Variants in ANLN observed in about 807,000 individuals in gnomAD.
ANLN encodes anillin.
In ANLN, 59 loss-of-function variants were observed where a neutral mutation model predicts 135.1. That is an observed-to-expected ratio of 0.44 (90% CI 0.35 to 0.54). The LOEUF is 0.54. Ranked by LOEUF, ANLN falls within the 20% of genes least tolerant of loss-of-function variation. The pLI is 0.00. For missense variants in ANLN, 1,182 were observed against 1,340.0 expected (o/e 0.88, Z 1.84); for synonymous variants, 406 against 456.4 (o/e 0.89, Z 1.41).
At chr7:36,443,127 T>TA (rs1033907600) in intron 21 of ANLN, among the ~76,000 whole-genome samples, 3 of 152,196 alleles carry the variant, frequency 2.0e-5, no homozygotes, top group Non-Finnish European at 4.4e-5. Flanking sequence ...TATCCAGCAC[T>TA]ACTGCCTTGC....
Position 36,418,364 on chromosome 7 carries a change from C to T in ANLN, c.1634-880C>T, listed in dbSNP as rs116425172. The stretch of plus-strand genomic sequence containing the variant: ...AGAAGATTAGAGTCCTGCCGTGGGG[C>T]AGGTGAAAGGATGGCAGGAGAGTTC... On this transcript the variant is annotated intron_variant, in intron 9 of 23. Coordinates refer to ENST00000265748, the MANE Select transcript of ANLN (RefSeq NM_018685.5). Among the ~76,000 whole-genome samples the T allele has an allele frequency of 4.8e-3, 729 of 152,298 alleles. 5 individuals carry two copies. Among genetic ancestry groups the T allele is most frequent in the African/African-American group, 0.017 (689 of 41,570 alleles).
intron 20 of ANLN, among the ~76,000 whole-genome samples, chr7:36,435,779 A>G (rs1788514238): frequency 7.0e-6 from 1 of 143,760 alleles, no homozygotes; most frequent in Non-Finnish European, 1.5e-5. Context: ...AGGCTGAGGC[A>G]GGAGAATGGC....
chr7:36,430,780 C>T lies in ANLN; in HGVS notation c.2883+3752C>T, dbSNP rs184711432. Among the ~76,000 whole-genome samples, 28 of 152,240 alleles carry T rather than the reference C, an allele frequency of 1.8e-4. No homozygotes were observed. In the East Asian group the frequency reaches 5.4e-3, roughly 29 times the overall value. ...CCTTTCACCCTCAAAAATATCCCAGCATATAACACATTACACAGTCTCCCT... is the reference window on the plus strand; with the variant it reads ...CCTTTCACCCTCAAAAATATCCCAGTATATAACACATTACACAGTCTCCCT... On this transcript the variant is annotated intron_variant, in intron 20 of 23. Transcript: ENST00000265748.
At chr7:36,432,121 C>T (rs118149487) in intron 20 of ANLN, among the ~76,000 whole-genome samples, 200 of 152,252 alleles carry the variant, frequency 1.3e-3, no homozygotes, top group Middle Eastern at 6.8e-3. Context: ...ATTCAGAAGG[C>T]TGAGATGGGG....
At chr7:36,443,175 C>T (rs186107088) in intron 21 of ANLN, among the ~76,000 whole-genome samples, 26 of 152,280 alleles carry the variant, frequency 1.7e-4, no homozygotes, top group African/African-American at 4.3e-4. Context: ...TAAGGACAAA[C>T]GCCTGATGGC....
chr7:36,423,547 T>C (rs1439634532), intron 14 of ANLN, among the ~76,000 whole-genome samples: 1 of 152,090 alleles, frequency 6.6e-6, no homozygotes, highest in African/African-American at 2.4e-5. Context: ...CTAGGTAAAA[T>C]TCAAAATCAG....
intron 9 of ANLN, 57 bp from the exon 10 acceptor site, chr7:36,419,187 T>C: frequency 7.9e-7 from 1 of 1,270,558 alleles, no homozygotes; most frequent in East Asian, 2.4e-5. Context: ...TTCTTTGTTA[T>C]GCCTTTAATT....
At chr7:36,406,701 T>C (rs1461534112) in intron 4 of ANLN, 135 bp downstream of exon 4, 14 of 874,228 alleles carry the variant, frequency 1.6e-5, no homozygotes, top group Non-Finnish European at 2.1e-5. Flanking sequence ...TTATATGTAT[T>C]TGTAAGATAT....
intron 8 of ANLN, 60 bp from the exon 9 acceptor site, chr7:36,417,020 A>G: frequency 2.2e-6 from 2 of 914,370 alleles, no homozygotes. Flanking sequence ...ACAAGATTCC[A>G]TAATTAGAAA....
rs184201285 is a variant in ANLN, at chr7:36,425,029, C to G, written c.2709+287C>G. 6.6e-5 allele frequency among the ~76,000 whole-genome samples: 10 copies of G among 152,252 alleles called. No homozygotes were observed. The East Asian group carries it at 1.7e-3, about 26-fold the overall frequency. On this transcript the variant is annotated intron_variant, in intron 17 of 23. Transcript: ENST00000265748. ...TTAAAACTTTTCTCAAGACTTTTCC[C>G]TGAGCCCTCTTCTCTCTGTGTTCTC...
At chr7:36,452,304 G>A (rs1286508187) in intron 23 of ANLN, among the ~76,000 whole-genome samples, 173 bp from the exon 24 acceptor site, 1 of 152,196 alleles carries the variant, frequency 6.6e-6, no homozygotes, top group Non-Finnish European at 1.5e-5. Context: ...ATTTTCCTCT[G>A]TTTTATTTGG....
intron 14 of ANLN, 89 bp downstream of exon 14, chr7:36,422,898 T>A: frequency 8.0e-7 from 1 of 1,255,024 alleles, no homozygotes; most frequent in Non-Finnish European, 1.1e-6. Context: ...AAATCATGCA[T>A]AACAATGCAA....
Position 36,406,208 on chromosome 7 carries a change from C to T in ANLN, c.515C>T (p.Ser172Leu), listed in dbSNP as rs1787178802. Residue 172 changes from serine to leucine, a missense_variant, in exon 4 of 24, where the codon TCA becomes TTA. This residue lies in a region of ANLN where 1,022 missense variants were observed against 1,134.0 expected (regional missense o/e 0.90). Coordinates refer to ENST00000265748, the MANE Select transcript of ANLN (RefSeq NM_018685.5). ...GACATTCCTGAAAGCTCACTCTTCT[C>T]ACCAATGCCATCAGAGGAAAAGGCT... Reference protein sequence around the residue: ...TDDIPESSLFSPMPSEEKAAS... With the variant: ...TDDIPESSLFLPMPSEEKAAS... The T allele has an allele frequency of 1.2e-6, 2 of 1,609,342 alleles. No individual in the cohort carries two copies. The highest frequency in any genetic ancestry group is 1.7e-6 in the Non-Finnish European group (2 of 1,176,306).
intron 20 of ANLN, among the ~76,000 whole-genome samples, chr7:36,429,283 C>T (rs963754557): frequency 2.0e-5 from 3 of 151,988 alleles, no homozygotes; most frequent in South Asian, 2.1e-4. Context: ...TGCAGTGGCA[C>T]GATCTCGGCT....
chr7:36,434,547 G>A (rs1703856878), intron 20 of ANLN, among the ~76,000 whole-genome samples: 1 of 152,198 alleles, frequency 6.6e-6, no homozygotes, highest in African/African-American at 2.4e-5. Flanking sequence ...TTTCTTACAT[G>A]TTTAGGTTCC....
At chr7:36,420,415 C>G in intron 11 of ANLN, 101 bp downstream of exon 11, 1 of 1,447,104 alleles carries the variant, frequency 6.9e-7, no homozygotes, top group Non-Finnish European at 9.4e-7. Flanking sequence ...AATAACTCAT[C>G]TGTATAAAAG....
chr7:36,436,350 A>G (rs1323462899), intron 20 of ANLN, among the ~76,000 whole-genome samples: 1 of 152,060 alleles, frequency 6.6e-6, no homozygotes. Flanking sequence ...ACAGCATTTC[A>G]TTTATCTGTT....
intron 12 of ANLN, among the ~76,000 whole-genome samples, chr7:36,421,366 C>A (rs1335646356): frequency 6.6e-6 from 1 of 151,706 alleles, no homozygotes; most frequent in African/African-American, 2.4e-5. Context: ...CCATGCCTGG[C>A]TTTTAAAAAA....
rs775373607 is a variant in ANLN, at chr7:36,420,653, A to G, written c.2072A>G (p.Gln691Arg). Reference protein sequence around the residue: ...FKETERPSIKQVIVRKEDVTS... With the variant: ...FKETERPSIKRVIVRKEDVTS... ...GAAACAGAACGTCCATCAATAAAGC[A>G]GGTGATTGTTCGGAAGGAAGATGTT... Residue 691 changes from glutamine (Q) to arginine (R), a missense_variant, in exon 12 of 24, where the codon CAG (glutamine) becomes CGG (arginine). By Grantham distance (43) the Gln-to-Arg change is conservative (BLOSUM62 1). Around this residue, in one of 3 missense-constraint regions of ANLN, gnomAD observed 1,022 missense variants for 1,134.0 expected, o/e 0.90. Transcript: ENST00000265748. The G allele has an allele frequency of 6.2e-6, 10 of 1,613,112 alleles. No homozygotes were observed. Among genetic ancestry groups the G allele is most frequent in the Non-Finnish European group, 7.6e-6 (9 of 1,179,160 alleles).
Sources: allele counts gnomAD v4.1 joint callset (sites outside exome capture counted in the v4.1 genomes callset), GRCh38; gene constraint gnomAD v4.1.1; regional missense constraint gnomAD v4.1.1; transcripts MANE v1.5; gene names NCBI Gene and HGNC (gene_info 2026-07-23, HGNC 2026-07-21).